Variants in ITSN2 observed in about 807,000 individuals in gnomAD.
ITSN2 encodes intersectin 2, also known as intersectin-2.
Under a neutral mutation model 243.7 loss-of-function variants are expected in ITSN2, and 156 were observed. That is an observed-to-expected ratio of 0.64 (90% CI 0.56 to 0.73). The LOEUF (loss-of-function observed/expected upper bound fraction) is 0.73. Ranked by LOEUF, ITSN2 falls within the 30% of genes least tolerant of loss-of-function variation. The probability of loss-of-function intolerance (pLI) is 0.00; values close to 1 mark genes in which losing one functional copy is unlikely to be tolerated. For synonymous variants in ITSN2, 703 were observed against 699.9 expected (o/e 1.00, Z -0.07); for missense variants, 1,801 against 1,996.1 (o/e 0.90, Z 1.86).
chr2:24,238,252 A>G (rs1672371681), intron 29 of ITSN2, among the ~76,000 whole-genome samples: 1 of 152,184 alleles, frequency 6.6e-6, no homozygotes, highest in African/African-American at 2.4e-5. Flanking sequence ...TCAAAGAACT[A>G]TGTACCACCT....
At chr2:24,334,689 C>T in intron 1 of ITSN2, 1 of 1,582,802 alleles carries the variant, frequency 6.3e-7, no homozygotes, top group South Asian at 1.1e-5. Flanking sequence ...CAGAAAAAGG[C>T]TAAAACTACA....
chr2:24,209,774 C>G, intron 35 of ITSN2, 44 bp downstream of exon 35: 404 of 1,465,694 alleles, frequency 2.8e-4, no homozygotes, highest in Non-Finnish European at 3.5e-4. Context: ...AGAGGCAACA[C>G]CTCATTAGGC....
intron 1 of ITSN2, among the ~76,000 whole-genome samples, chr2:24,343,122 C>T (rs186598754): frequency 3.6e-4 from 54 of 149,334 alleles, no homozygotes; most frequent in Middle Eastern, 3.5e-3. Flanking sequence ...AGGCTAACAA[C>T]AATGCAAGGA....
At chr2:24,217,419 G>A (rs1670069890) in intron 31 of ITSN2, among the ~76,000 whole-genome samples, 1 of 152,230 alleles carries the variant, frequency 6.6e-6, no homozygotes, top group South Asian at 2.1e-4. Context: ...CAGGGGCCAG[G>A]TGTGGAGGCA....
In ITSN2 at chr2:24,209,804, C is replaced by A; in HGVS notation, c.4473+14G>T. 1 of 1,604,464 alleles carries A rather than the reference C, an allele frequency of 6.2e-7. No individual in the cohort carries two copies. Among genetic ancestry groups the A allele is most frequent in the Non-Finnish European group, 8.5e-7 (1 of 1,171,208 alleles). On this transcript the variant is annotated intron_variant, in intron 35 of 39. Coordinates refer to ENST00000355123, the MANE Select transcript of ITSN2 (RefSeq NM_006277.3). ...TTAGGCCCCTGATGCTACCCCCAGA[C>A]GCGTGATACTCACCGTTTTATACAT... is the stretch of plus-strand genomic sequence containing the variant.
chr2:24,319,145 A>G (rs971454962), intron 2 of ITSN2, among the ~76,000 whole-genome samples: 1 of 152,184 alleles, frequency 6.6e-6, no homozygotes, highest in Non-Finnish European at 1.5e-5. Context: ...CCAGTGATCT[A>G]GAGGATTCAA....
At chr2:24,205,529 T>A in intron 37 of ITSN2, 1 of 469,748 alleles carries the variant, frequency 2.1e-6, no homozygotes, top group South Asian at 2.1e-5. Flanking sequence ...ATCCTACTCA[T>A]CCTTCAAGAT....
At chr2:24,337,335 T>TATATATATATATATATATATAC (rs1558650606) in intron 1 of ITSN2, among the ~76,000 whole-genome samples, 2 of 108,966 alleles carry the variant, frequency 1.8e-5, no homozygotes, top group African/African-American at 3.7e-5. Flanking sequence ...TATATATATA[T>TATATATATATATATATATATAC]ATATATATAT....
At chr2:24,323,045 TA>T (rs1025863469) in intron 2 of ITSN2, among the ~76,000 whole-genome samples, 29 of 144,448 alleles carry the variant, frequency 2.0e-4, no homozygotes, top group Admixed American at 2.8e-4. Context: ...GTCTGAAAAT[TA>T]AAAAAAAAAA....
At chr2:24,331,965 C>G (rs183078197) in intron 1 of ITSN2, among the ~76,000 whole-genome samples, 7 of 152,242 alleles carry the variant, frequency 4.6e-5, no homozygotes, top group Admixed American at 3.3e-4. Flanking sequence ...TTGTTGTGGC[C>G]AGGCGCAGTG....
At chr2:24,267,294 T>C (rs926206749) in intron 20 of ITSN2, among the ~76,000 whole-genome samples, 1 of 151,758 alleles carries the variant, frequency 6.6e-6, no homozygotes, top group East Asian at 1.9e-4. Context: ...AGATGACAGG[T>C]TGATGGGTGC....
chr2:24,271,752 A>G lies in ITSN2; in HGVS notation c.2257+14T>C. 6.4e-7 allele frequency: 1 copy of G among 1,568,196 alleles called. No individual in the cohort carries two copies. The highest frequency in any genetic ancestry group is 1.2e-5 in the South Asian group (1 of 80,616). ...TGCATTTGTTCTACTGTCTCAAAGTATCCTTATCCTTACGTTTTTTCTCCT... is the reference window on the plus strand; with the variant it reads ...TGCATTTGTTCTACTGTCTCAAAGTGTCCTTATCCTTACGTTTTTTCTCCT... On this transcript the variant is annotated intron_variant, in intron 19 of 39. Transcript: ENST00000355123.
At chr2:24,304,810 G>GA (rs1251807866) in intron 8 of ITSN2, among the ~76,000 whole-genome samples, 2 of 152,184 alleles carry the variant, frequency 1.3e-5, no homozygotes, top group African/African-American at 4.8e-5. Context: ...CATACTCGTG[G>GA]AGGGCTTTAT....
At chr2:24,330,727 C>T in intron 1 of ITSN2, 3 of 590,858 alleles carry the variant, frequency 5.1e-6, no homozygotes, top group Admixed American at 2.4e-5. Context: ...GTTTGAAATA[C>T]TATTTTTTAT....
At chr2:24,244,074 C>T (rs958903274) in intron 29 of ITSN2, among the ~76,000 whole-genome samples, 17 of 152,234 alleles carry the variant, frequency 1.1e-4, no homozygotes, top group African/African-American at 3.6e-4. Context: ...AAATAGCAGA[C>T]GAAGCATTTT....
chr2:24,218,802 G>A (rs1442883839), intron 30 of ITSN2, among the ~76,000 whole-genome samples: 1 of 152,216 alleles, frequency 6.6e-6, no homozygotes, highest in Non-Finnish European at 1.5e-5. Flanking sequence ...CTGCATAACT[G>A]AGATTCCTAG....
Position 24,203,591 on chromosome 2 carries a change from G to C in ITSN2, c.*35C>G. 1 of 1,596,350 alleles carries C rather than the reference G, an allele frequency of 6.3e-7. No individual in the cohort carries two copies. The highest frequency in any genetic ancestry group is 1.1e-5 in the South Asian group (1 of 89,656). On this transcript the variant is annotated 3_prime_UTR_variant, in exon 40 of 40. Coordinates refer to ENST00000355123, the MANE Select transcript of ITSN2 (RefSeq NM_006277.3). ...TCTCTCATTCTCCAGCCCCAGCCTT[G>C]TGGGCTGTCCCGCTGGTGCTGTCCT... is the stretch of plus-strand genomic sequence containing the variant.
At chr2:24,253,927 A>C (rs1200680562) in intron 24 of ITSN2, among the ~76,000 whole-genome samples, 3 of 152,182 alleles carry the variant, frequency 2.0e-5, no homozygotes, top group Non-Finnish European at 4.4e-5. Flanking sequence ...CTAATCAAAC[A>C]ACCCAAAGGG....
intron 15 of ITSN2, chr2:24,293,220 T>A (rs1384654566): frequency 1.3e-5 from 2 of 152,184 alleles, no homozygotes; most frequent in African/African-American, 4.8e-5. Context: ...AGCACAGAGT[T>A]AGATAATATA....
Sources: allele counts gnomAD v4.1 joint callset (sites outside exome capture counted in the v4.1 genomes callset), GRCh38; gene constraint gnomAD v4.1.1; transcripts MANE v1.5; gene names NCBI Gene and HGNC (gene_info 2026-07-23, HGNC 2026-07-21).